Variants in TAFA2 observed in about 807,000 individuals in gnomAD.
TAFA2 encodes the protein TAFA chemokine like family member 2.
A neutral mutation model predicts 18.8 loss-of-function variants in TAFA2; 7 were observed. The observed-to-expected ratio is 0.37, with a 90% CI of 0.21 to 0.70. The LOEUF is 0.70. Ranked by LOEUF, TAFA2 falls within the 30% of genes least tolerant of loss-of-function variation. TAFA2 has a pLI of 0.53. For synonymous variants in TAFA2, 60 were observed against 54.2 expected (o/e 1.11, Z -0.47); for missense variants, 122 against 158.1 (o/e 0.77, Z 1.23).
intron 1 of TAFA2, among the ~76,000 whole-genome samples, chr12:61,937,796 C>T (rs1877833556): frequency 1.3e-5 from 2 of 151,874 alleles, no homozygotes; most frequent in African/African-American, 4.8e-5. Context: ...AAAAACAAAA[C>T]TAAATAAATG....
intron 2 of TAFA2, among the ~76,000 whole-genome samples, chr12:61,864,717 G>A (rs1330041103): frequency 1.4e-5 from 2 of 144,576 alleles, no homozygotes; most frequent in African/African-American, 5.1e-5. Context: ...AGCTTTCAGT[G>A]AGCTGAGATC....
At chr12:62,059,866 CATTT>C (rs1882298766) in intron 1 of TAFA2, among the ~76,000 whole-genome samples, 1 of 152,082 alleles carries the variant, frequency 6.6e-6, no homozygotes, top group Non-Finnish European at 1.5e-5. Flanking sequence ...ACTTGTTCCT[CATTT>C]ATATTTTAAT....
intron 1 of TAFA2, among the ~76,000 whole-genome samples, chr12:62,015,069 A>G (rs1044769236): frequency 6.6e-6 from 1 of 152,230 alleles, no homozygotes; most frequent in African/African-American, 2.4e-5. Flanking sequence ...CCTATATGAG[A>G]AAACAGCTAT....
At chr12:61,791,570 A>G (rs1358265476) in intron 2 of TAFA2, among the ~76,000 whole-genome samples, 1 of 151,878 alleles carries the variant, frequency 6.6e-6, no homozygotes, top group Non-Finnish European at 1.5e-5. Context: ...CTGAATAGAC[A>G]TTTCTTTAAA....
chr12:62,218,723 T>C (rs1038152389), intron 1 of TAFA2, among the ~76,000 whole-genome samples: 5 of 152,206 alleles, frequency 3.3e-5, no homozygotes, highest in Admixed American at 1.3e-4. Flanking sequence ...ATATTATACA[T>C]AGCCATTTAT....
intron 2 of TAFA2, among the ~76,000 whole-genome samples, chr12:61,770,158 A>G (rs1869965151): frequency 6.6e-6 from 1 of 152,084 alleles, no homozygotes; most frequent in Admixed American, 6.6e-5. Flanking sequence ...GCTCAAAGAC[A>G]AGGCTTTCAA....
chr12:62,119,153 T>G (rs997824896), intron 1 of TAFA2, among the ~76,000 whole-genome samples: 1 of 152,098 alleles, frequency 6.6e-6, no homozygotes, highest in African/African-American at 2.4e-5. Context: ...TTCATAGACA[T>G]TTAATGAATT....
At chr12:62,179,689 T>C (rs187734561) in intron 1 of TAFA2, among the ~76,000 whole-genome samples, 1 of 152,270 alleles carries the variant, frequency 6.6e-6, no homozygotes, top group East Asian at 1.9e-4. Context: ...TTTCAATGGA[T>C]TTATTCTTTT....
At chr12:61,945,295 G>A (rs1878219877) in intron 1 of TAFA2, among the ~76,000 whole-genome samples, 1 of 119,238 alleles carries the variant, frequency 8.4e-6, no homozygotes. Flanking sequence ...AGGTATTGAT[G>A]GGACGTATTT....
At chr12:62,048,408 C>G (rs1881965191) in intron 1 of TAFA2, among the ~76,000 whole-genome samples, 1 of 152,186 alleles carries the variant, frequency 6.6e-6, no homozygotes, top group South Asian at 2.1e-4. Context: ...ATTCAATTAC[C>G]TCCACCTGGT....
chr12:62,126,022 G>T (rs148650031), intron 1 of TAFA2, among the ~76,000 whole-genome samples: 1 of 152,032 alleles, frequency 6.6e-6, no homozygotes, highest in Non-Finnish European at 1.5e-5. Flanking sequence ...CGGAAAACCA[G>T]CTGGTTGTCT....
At chr12:61,773,885 C>T (rs1408592769) in intron 2 of TAFA2, among the ~76,000 whole-genome samples, 2 of 152,094 alleles carry the variant, frequency 1.3e-5, no homozygotes, top group Non-Finnish European at 2.9e-5. Flanking sequence ...TTCTGTACAG[C>T]AAAAGTAATA....
intron 1 of TAFA2, chr12:62,021,432 T>C: frequency 2.0e-5 from 8 of 401,462 alleles, no homozygotes; most frequent in Non-Finnish European, 2.9e-5. Context: ...CCTCACCCCC[T>C]CCCACCCTTT....
chr12:61,996,489 G>A (rs139616681), intron 1 of TAFA2, among the ~76,000 whole-genome samples: 50 of 152,268 alleles, frequency 3.3e-4, no homozygotes, highest in East Asian at 7.7e-4. Flanking sequence ...TGGAGGAGGT[G>A]GGAGTGAACA....
chr12:61,743,906 G>A (rs35807037), intron 4 of TAFA2, among the ~76,000 whole-genome samples: 51,947 of 151,870 alleles, frequency 0.34, 8,910 homozygotes, highest in South Asian at 0.38. Flanking sequence ...GCCACTCACA[G>A]TAGAGGAAAA....
intron 1 of TAFA2, among the ~76,000 whole-genome samples, chr12:62,011,934 G>T (rs1880784167): frequency 6.6e-6 from 1 of 152,104 alleles, no homozygotes; most frequent in Non-Finnish European, 1.5e-5. Context: ...TGACCTCTCA[G>T]CACACACATG....
chr12:61,955,600 CAAAAAAAAAAAAAAAAAAAAAAAA>C, intron 1 of TAFA2, among the ~76,000 whole-genome samples: 1 of 38,938 alleles, frequency 2.6e-5, no homozygotes, highest in East Asian at 1.4e-3. Context: ...GACTCCATCT[CAAAAAAAAAAAAAAAAAAAAAAAA>C]AAAAAAAAAT....
intron 1 of TAFA2, among the ~76,000 whole-genome samples, chr12:62,171,204 T>G (rs1223566630): frequency 1.3e-5 from 2 of 152,096 alleles, no homozygotes; most frequent in African/African-American, 4.8e-5. Flanking sequence ...AATTAATAAG[T>G]AACTCATGTG....
chr12:62,148,328 A>G (rs2062302565), intron 1 of TAFA2, among the ~76,000 whole-genome samples: 1 of 152,196 alleles, frequency 6.6e-6, no homozygotes, highest in South Asian at 2.1e-4. Context: ...GATAAAGAAA[A>G]TGTGGCATAT....
Sources: allele counts gnomAD v4.1 joint callset (sites outside exome capture counted in the v4.1 genomes callset), GRCh38; gene constraint gnomAD v4.1.1; transcripts MANE v1.5; gene names NCBI Gene and HGNC (gene_info 2026-07-23, HGNC 2026-07-21).